Variants in ASXL2 observed in about 807,000 individuals in gnomAD.
ASXL2 encodes ASXL transcriptional regulator 2, also known as putative Polycomb group protein ASXL2.
Under a neutral mutation model 122.0 loss-of-function variants are expected in ASXL2, and 23 were observed. That is an observed-to-expected ratio of 0.19 (90% CI 0.14 to 0.27). The LOEUF is 0.27. Among genes scored for constraint, ASXL2 ranks in the 10% least tolerant of loss-of-function variants. The pLI, the probability that ASXL2 is intolerant of heterozygous loss-of-function variation, is 1.00. For missense variants in ASXL2, 1,518 were observed against 1,713.8 expected (o/e 0.89, Z 2.02); for synonymous variants, 650 against 637.0 (o/e 1.02, Z -0.31).
At chr2:25,808,790 GACC>G (rs777002934) in intron 3 of ASXL2, among the ~76,000 whole-genome samples, 12 of 152,140 alleles carry the variant, frequency 7.9e-5, no homozygotes, top group Non-Finnish European at 8.8e-5. Context: ...GCCCCAAAGA[GACC>G]ACATCAAAGG....
chr2:25,865,542 C>T (rs1340446315), intron 1 of ASXL2, among the ~76,000 whole-genome samples: 7 of 150,840 alleles, frequency 4.6e-5, no homozygotes, highest in Admixed American at 2.0e-4. Context: ...CCAAGGTAGG[C>T]GGATAACGAG....
intron 8 of ASXL2, among the ~76,000 whole-genome samples, chr2:25,763,970 A>C (rs908542998): frequency 1.3e-5 from 2 of 152,230 alleles, no homozygotes; most frequent in Non-Finnish European, 2.9e-5. Flanking sequence ...ATATATTTGG[A>C]AATTAACAAC....
In ASXL2 at chr2:25,878,479, C is replaced by T. The variant is rs2090029939; in HGVS notation, c.-257G>A. The T allele has an allele frequency of 6.0e-6, 3 of 501,402 alleles. No homozygotes were observed. The highest frequency in any genetic ancestry group is 2.5e-5 in the South Asian group (1 of 40,344). 31.1% of individuals were successfully genotyped at this position (501,402 alleles called of 1,614,324 possible). A position where few individuals can be genotyped will look rare whatever the true frequency, so the allele number is the denominator to read the frequency against. ...GTTCTTACTGTACAGGCTGCCGCTA[C>T]GGTCATGTGACCGCTCCCGCGCGGC... is the stretch of plus-strand genomic sequence containing the variant. On this transcript the variant is annotated 5_prime_UTR_variant, in exon 1 of 13. Transcript: ENST00000435504.
chr2:25,821,489 C>T (rs1456227146), intron 3 of ASXL2, among the ~76,000 whole-genome samples: 5 of 151,966 alleles, frequency 3.3e-5, no homozygotes, highest in South Asian at 2.1e-4. Context: ...CGGGGCTGGG[C>T]GTGGTGGCTC....
chr2:25,763,742 G>C (rs1384137643), intron 8 of ASXL2, among the ~76,000 whole-genome samples: 1 of 152,174 alleles, frequency 6.6e-6, no homozygotes, highest in African/African-American at 2.4e-5. Context: ...ACAACCCTAT[G>C]AAGTAGGTAA....
intron 5 of ASXL2, among the ~76,000 whole-genome samples, chr2:25,796,771 T>C (rs1418758389): frequency 6.6e-6 from 1 of 152,192 alleles, no homozygotes; most frequent in Non-Finnish European, 1.5e-5. Context: ...CTTAAGACCT[T>C]AAGAACAAAT....
intron 1 of ASXL2, among the ~76,000 whole-genome samples, chr2:25,874,578 G>A (rs2089995968): frequency 6.6e-6 from 1 of 152,020 alleles, no homozygotes; most frequent in South Asian, 2.1e-4. Context: ...TTGAGCCCAG[G>A]AGATGGAAGT....
In ASXL2 at chr2:25,753,588, T is replaced by A; in HGVS notation, c.1088A>T (p.Glu363Val). The A allele has an allele frequency of 1.8e-5, 29 of 1,613,848 alleles. No individual in the cohort carries two copies. Among genetic ancestry groups the A allele is most frequent in the Non-Finnish European group, 2.5e-5 (29 of 1,179,864 alleles). The change falls in exon 11 of 13, where the codon GAG becomes GTG. Residue 363 changes from glutamate (E) to valine (V), a missense_variant. Around this residue, in one of 8 missense-constraint regions of ASXL2, gnomAD observed 92 missense variants for 156.6 expected, o/e 0.59. Coordinates refer to ENST00000435504, the MANE Select transcript of ASXL2 (RefSeq NM_018263.6). ...TTCTTTCCATGGCTCCACTTTTTTCTCCTTCTCAATCTCTTGTCGAATTCT... is the reference window on the plus strand; with the variant it reads ...TTCTTTCCATGGCTCCACTTTTTTCACCTTCTCAATCTCTTGTCGAATTCT... Reference protein sequence around the residue: ...QVRIRQEIEKEKKVEPWKEQF... With the variant: ...QVRIRQEIEKVKKVEPWKEQF...
In ASXL2 at chr2:25,808,060, A is replaced by C. The variant is rs372644126; in HGVS notation, c.144-1723T>G. Among the ~76,000 whole-genome samples the C allele has an allele frequency of 7.3e-5, 11 of 151,408 alleles. 1 individual carries two copies. In the East Asian group the frequency reaches 2.1e-3, roughly 29 times the overall value. On this transcript the variant is annotated intron_variant, in intron 3 of 12. Transcript: ENST00000435504. ...AGAACAGATACATGACTTAGGGCCA[A>C]AAATCTATGGAGCTATTTACTTGGG... is the stretch of plus-strand genomic sequence containing the variant.
intron 1 of ASXL2, among the ~76,000 whole-genome samples, chr2:25,861,328 C>A (rs2891480): frequency 0.28 from 42,185 of 151,958 alleles, 6,160 homozygotes; most frequent in African/African-American, 0.33. Context: ...ATAAAGAAAT[C>A]TTGAACAATT....
At chr2:25,841,336 A>C (rs2089575927) in intron 2 of ASXL2, among the ~76,000 whole-genome samples, 2 of 152,140 alleles carry the variant, frequency 1.3e-5, no homozygotes, top group African/African-American at 4.8e-5. Flanking sequence ...GCAGCGAGAG[A>C]ATAATCTATA....
At chr2:25,820,992 T>C (rs937913587) in intron 3 of ASXL2, among the ~76,000 whole-genome samples, 1 of 150,484 alleles carries the variant, frequency 6.6e-6, no homozygotes, top group Non-Finnish European at 1.5e-5. Flanking sequence ...CATGGAGAAA[T>C]CCCATGGAGA....
chr2:25,776,257 C>G (rs913804265), intron 5 of ASXL2, among the ~76,000 whole-genome samples: 1 of 152,160 alleles, frequency 6.6e-6, no homozygotes, highest in African/African-American at 2.4e-5. Flanking sequence ...ATAATGAAAT[C>G]ATACATTAGT....
At chr2:25,794,305 C>T (rs1422223372) in intron 5 of ASXL2, among the ~76,000 whole-genome samples, 1 of 152,068 alleles carries the variant, frequency 6.6e-6, no homozygotes, top group Non-Finnish European at 1.5e-5. Flanking sequence ...AAAATCTAAA[C>T]AAAACTTTTT....
intron 3 of ASXL2, among the ~76,000 whole-genome samples, chr2:25,819,440 C>G (rs1030976993): frequency 6.6e-6 from 1 of 152,118 alleles, no homozygotes; most frequent in Non-Finnish European, 1.5e-5. Flanking sequence ...AGTGAAGAAA[C>G]AGTAGACATT....
chr2:25,847,699 T>C (rs879580804), intron 1 of ASXL2, among the ~76,000 whole-genome samples: 4 of 152,158 alleles, frequency 2.6e-5, no homozygotes, highest in Non-Finnish European at 5.9e-5. Context: ...GGATAAATAG[T>C]TCACAAAAGG....
chr2:25,788,613 A>G (rs986164772), intron 5 of ASXL2, among the ~76,000 whole-genome samples: 14 of 152,202 alleles, frequency 9.2e-5, no homozygotes, highest in Admixed American at 5.9e-4. Context: ...TGGTACCATC[A>G]GTCTTTTTAA....
Position 25,750,025 on chromosome 2 carries a change from T to G in ASXL2, c.1531A>C (p.Asn511His), listed in dbSNP as rs368686704. 3 of 1,614,038 alleles carry G rather than the reference T, an allele frequency of 1.9e-6. No individual in the cohort carries two copies. Residue 511 changes from asparagine (N) to histidine (H), a missense_variant, in exon 12 of 13, where the codon AAT (asparagine) becomes CAT (histidine). Physicochemically the swap from Asn to His is moderately conservative, Grantham distance 68 (BLOSUM62 1). This residue lies in a region of ASXL2 where 292 missense variants were observed against 293.5 expected (regional missense o/e 1.00). Coordinates refer to ENST00000435504, the MANE Select transcript of ASXL2 (RefSeq NM_018263.6). Reference protein sequence around the residue: ...SEKNHLTTASNYNKSESQESL... With the variant: ...SEKNHLTTASHYNKSESQESL... The stretch of plus-strand genomic sequence containing the variant: ...TCTTGGCTTTCACTTTTGTTATAAT[T>G]AGAAGCTGTGGTGAGATGGTTCTTC...
intron 7 of ASXL2, among the ~76,000 whole-genome samples, chr2:25,768,128 G>C (rs1259323337): frequency 6.6e-6 from 1 of 152,144 alleles, no homozygotes; most frequent in African/African-American, 2.4e-5. Flanking sequence ...AAACTCAAAG[G>C]TTGTATGTAT....
Sources: allele counts gnomAD v4.1 joint callset (sites outside exome capture counted in the v4.1 genomes callset), GRCh38; gene constraint gnomAD v4.1.1; regional missense constraint gnomAD v4.1.1; transcripts MANE v1.5; gene names NCBI Gene and HGNC (gene_info 2026-07-23, HGNC 2026-07-21).